The following PDE4B variants were observed in gnomAD, a reference collection of about 807,000 sequenced individuals.
PDE4B encodes the protein 3',5'-cyclic-AMP phosphodiesterase 4B.
In PDE4B, 20 loss-of-function variants were observed where a neutral mutation model predicts 82.2. The ratio of observed to expected loss-of-function variants is 0.24; its 90% CI spans 0.17 to 0.35. The LOEUF is 0.35. PDE4B is among the 10% of genes least tolerant of loss of function. The probability of loss-of-function intolerance (pLI) is 1.00; values close to 1 mark genes in which losing one functional copy is unlikely to be tolerated. For synonymous variants in PDE4B, 320 were observed against 318.9 expected, an observed-to-expected ratio of 1.00 and a Z score of -0.04; for missense variants, 655 against 907.2, an observed-to-expected ratio of 0.72 and a Z score of 3.57.
chr1:65,885,620 C>G (rs1023892437), intron 1 of PDE4B, among the ~76,000 whole-genome samples: 2 of 151,768 alleles, frequency 1.3e-5, no homozygotes, highest in African/African-American at 4.8e-5. Flanking sequence ...AACAAAAAAC[C>G]AAACACCACA....
intron 7 of PDE4B, among the ~76,000 whole-genome samples, chr1:66,301,974 G>A (rs867393737): frequency 2.6e-5 from 4 of 152,174 alleles, no homozygotes; most frequent in Non-Finnish European, 5.9e-5. Flanking sequence ...ACTTTGTTTA[G>A]GAGGTGGCCA....
At chr1:66,363,031 A>G (rs1662924354) in intron 10 of PDE4B, 137 bp from the exon 11 acceptor site, 1 of 591,864 alleles carries the variant, frequency 1.7e-6, no homozygotes, top group East Asian at 2.8e-5. Context: ...TAACTTTCAG[A>G]TTTTCACACA....
intron 3 of PDE4B, among the ~76,000 whole-genome samples, chr1:66,216,138 C>T (rs1032554654): frequency 5.3e-5 from 8 of 151,158 alleles, no homozygotes; most frequent in Admixed American, 2.6e-4. Context: ...TTGGGTGTGT[C>T]GGTGAGGGTA....
intron 3 of PDE4B, among the ~76,000 whole-genome samples, chr1:66,026,683 G>T (rs1016330211): frequency 6.6e-6 from 1 of 152,200 alleles, no homozygotes; most frequent in Non-Finnish European, 1.5e-5. Context: ...TCAGCAATGT[G>T]CCTGGTATAT....
intron 3 of PDE4B, among the ~76,000 whole-genome samples, chr1:66,176,687 T>G (rs553167237): frequency 2.0e-5 from 3 of 152,216 alleles, no homozygotes; most frequent in Non-Finnish European, 4.4e-5. Context: ...CAGTAAATAA[T>G]GCTAATGTAC....
intron 7 of PDE4B, among the ~76,000 whole-genome samples, chr1:66,327,304 G>A (rs1190552742): frequency 6.6e-6 from 1 of 152,150 alleles, no homozygotes; most frequent in Non-Finnish European, 1.5e-5. Context: ...CTGAAAATAA[G>A]AATGTTGCTC....
At chr1:65,809,468 C>A (rs1053605694) in intron 1 of PDE4B, among the ~76,000 whole-genome samples, 1 of 150,762 alleles carries the variant, frequency 6.6e-6, no homozygotes, top group Non-Finnish European at 1.5e-5. Flanking sequence ...ATGGAAAATA[C>A]ACTCATTAAG....
chr1:66,061,279 AATATAAC>A (rs1489553078), intron 3 of PDE4B, among the ~76,000 whole-genome samples: 1 of 150,148 alleles, frequency 6.7e-6, no homozygotes, highest in African/African-American at 2.5e-5. Flanking sequence ...ACTGATTGGC[AATATAAC>A]ATTTATTATT....
intron 3 of PDE4B, among the ~76,000 whole-genome samples, chr1:66,174,816 T>G (rs1381342471): frequency 1.3e-5 from 2 of 151,812 alleles, no homozygotes; most frequent in Non-Finnish European, 2.9e-5. Flanking sequence ...CTGGGTAATT[T>G]ATAAAGAAAA....
chr1:65,986,210 A>G (rs1650945501), intron 3 of PDE4B, among the ~76,000 whole-genome samples: 1 of 152,224 alleles, frequency 6.6e-6, no homozygotes, highest in African/African-American at 2.4e-5. Flanking sequence ...CTCTGAAGAT[A>G]CAAAGGTGAA....
intron 3 of PDE4B, among the ~76,000 whole-genome samples, chr1:66,208,037 A>G (rs577741946): frequency 6.6e-6 from 1 of 152,194 alleles, no homozygotes; most frequent in South Asian, 2.1e-4. Context: ...CCTAAGGGAA[A>G]CCTCTTATTT....
chr1:66,335,457 T>C (rs1281193292), intron 8 of PDE4B, among the ~76,000 whole-genome samples: 1 of 152,218 alleles, frequency 6.6e-6, no homozygotes, highest in African/African-American at 2.4e-5. Flanking sequence ...TAGGTAGGGT[T>C]GTGCTTTTTT....
intron 3 of PDE4B, among the ~76,000 whole-genome samples, chr1:66,076,242 T>C (rs1471420865): frequency 6.6e-6 from 1 of 152,136 alleles, no homozygotes; most frequent in Admixed American, 6.6e-5. Context: ...GTGTACTTGA[T>C]GTTTAGCTCC....
intron 1 of PDE4B, among the ~76,000 whole-genome samples, chr1:65,834,855 T>C (rs1646123074): frequency 2.0e-5 from 3 of 152,130 alleles, no homozygotes; most frequent in Admixed American, 2.0e-4. Flanking sequence ...TGGTGTTACA[T>C]TGGTAGTTTG....
chr1:66,297,483 CA>C (rs974053632), intron 7 of PDE4B, among the ~76,000 whole-genome samples: 3 of 151,976 alleles, frequency 2.0e-5, no homozygotes, highest in Non-Finnish European at 4.4e-5. Context: ...GAAGCCAGGC[CA>C]AATAAAAGGA....
intron 7 of PDE4B, among the ~76,000 whole-genome samples, chr1:66,268,667 CAAAAAAAA>C (rs36046564): frequency 4.1e-4 from 25 of 61,236 alleles, no homozygotes; most frequent in Non-Finnish European, 5.3e-4. Flanking sequence ...GACTCCATCT[CAAAAAAAA>C]AAAAAAAAAA....
intron 3 of PDE4B, among the ~76,000 whole-genome samples, chr1:65,968,958 C>T (rs1306764764): frequency 1.3e-5 from 2 of 152,022 alleles, no homozygotes; most frequent in African/African-American, 4.8e-5. Context: ...TATTCATAAC[C>T]ACATTTTGAC....
At chr1:65,807,635 T>C (rs1000520048) in intron 1 of PDE4B, among the ~76,000 whole-genome samples, 6 of 152,194 alleles carry the variant, frequency 3.9e-5, no homozygotes, top group African/African-American at 7.2e-5. Flanking sequence ...TTTCCTCATA[T>C]CCCTCTAATT....
intron 3 of PDE4B, among the ~76,000 whole-genome samples, chr1:65,995,448 G>C (rs1159159074): frequency 6.6e-6 from 1 of 152,072 alleles, no homozygotes; most frequent in Admixed American, 6.6e-5. Context: ...AAAGTCTCTA[G>C]CCTAATGCTT....
Sources: allele counts gnomAD v4.1 joint callset (sites outside exome capture counted in the v4.1 genomes callset), GRCh38; gene constraint gnomAD v4.1.1; transcripts MANE v1.5; gene names NCBI Gene and HGNC (gene_info 2026-07-23, HGNC 2026-07-21).